PRKCB: variants seen among roughly 807,000 people sequenced by gnomAD.
PRKCB encodes protein kinase C beta, also known as protein kinase C beta type.
Under a neutral mutation model 81.5 loss-of-function variants are expected in PRKCB, and 13 were observed. The observed-to-expected ratio is 0.16, with a 90% CI of 0.10 to 0.25. The LOEUF (loss-of-function observed/expected upper bound fraction) is 0.25. PRKCB is among the 10% of genes least tolerant of loss of function. The pLI is 1.00. For missense variants in PRKCB, 509 were observed against 875.7 expected, an observed-to-expected ratio of 0.58 and a Z score of 5.29; for synonymous variants, 335 against 321.4, an observed-to-expected ratio of 1.04 and a Z score of -0.45.
intron 6 of PRKCB, 35 bp downstream of exon 6, chr16:24,092,982 G>A (rs1489281217): frequency 1.3e-6 from 2 of 1,598,972 alleles, no homozygotes; most frequent in African/African-American, 1.3e-5. Context: ...CATGGGTGGT[G>A]GAGGTTGGGT....
chr16:24,216,622 CAA>C lies in PRKCB; in HGVS notation c.*1808_*1809del. 2.0e-6 allele frequency: 2 copies of C among 985,434 alleles called. No individual in the cohort carries two copies. Among genetic ancestry groups the C allele is most frequent in the South Asian group, 9.4e-5 (2 of 21,282 alleles). The allele number at this position is 985,434 out of a possible 1,614,324, so 61.0% of individuals were successfully genotyped here. ...AATGGGGTTTGGATTTCTGCTTAGG[CAA>C]AGTCTCCTGCAGTTCATCCTTCTCT... On this transcript the variant is annotated 3_prime_UTR_variant, in exon 17 of 17. Transcript: ENST00000643927.
chr16:23,922,541 G>GT (rs1376700062), intron 2 of PRKCB, among the ~76,000 whole-genome samples: 5 of 152,300 alleles, frequency 3.3e-5, no homozygotes, highest in African/African-American at 9.6e-5. Context: ...GAGCTACCTA[G>GT]TTTTTTTGTG....
intron 2 of PRKCB, among the ~76,000 whole-genome samples, chr16:23,962,523 A>T (rs1964440030): frequency 6.6e-6 from 1 of 152,234 alleles, no homozygotes; most frequent in South Asian, 2.1e-4. Flanking sequence ...CTGGTCACCC[A>T]TCTCTGCCAA....
intron 3 of PRKCB, among the ~76,000 whole-genome samples, chr16:23,995,558 T>C (rs114744647): frequency 0.022 from 3,301 of 152,292 alleles, 36 homozygotes; most frequent in Non-Finnish European, 0.024. Flanking sequence ...GATTTGACCA[T>C]GGGCCACTAA....
intron 4 of PRKCB, among the ~76,000 whole-genome samples, chr16:24,033,758 A>G (rs1965578683): frequency 6.6e-6 from 1 of 152,056 alleles, no homozygotes; most frequent in African/African-American, 2.4e-5. Context: ...TGAGACTCTC[A>G]AAGAAGAAGA....
intron 8 of PRKCB, among the ~76,000 whole-genome samples, chr16:24,115,827 G>A (rs920444388): frequency 1.3e-5 from 2 of 152,046 alleles, no homozygotes; most frequent in Admixed American, 6.6e-5. Context: ...CTGGGTTCAC[G>A]CCATTCTCCT....
chr16:23,971,236 C>T (rs150878895), intron 2 of PRKCB, among the ~76,000 whole-genome samples: 84 of 152,304 alleles, frequency 5.5e-4, no homozygotes, highest in African/African-American at 2.0e-3. Flanking sequence ...CCATTGTCAA[C>T]AGAAAAATTC....
At chr16:24,168,576 A>T in intron 10 of PRKCB, among the ~76,000 whole-genome samples, 1 of 58,584 alleles carries the variant, frequency 1.7e-5, no homozygotes, top group African/African-American at 5.4e-5. Context: ...TTTTTGAGAC[A>T]GTTTCACTCT....
chr16:24,166,977 G>A (rs983931102), intron 10 of PRKCB, among the ~76,000 whole-genome samples: 12 of 152,010 alleles, frequency 7.9e-5, no homozygotes, highest in Non-Finnish European at 1.8e-4. Context: ...GGGGCAAGCC[G>A]AGTTCTTCCA....
chr16:24,163,931 C>T (rs917004112), intron 10 of PRKCB, among the ~76,000 whole-genome samples: 2 of 152,216 alleles, frequency 1.3e-5, no homozygotes, highest in Non-Finnish European at 2.9e-5. Flanking sequence ...GGGCTCTTAA[C>T]CACAGCACTA....
chr16:24,183,691 G>C (rs1967661402), intron 13 of PRKCB, among the ~76,000 whole-genome samples: 1 of 152,172 alleles, frequency 6.6e-6, no homozygotes, highest in Non-Finnish European at 1.5e-5. Context: ...ATAACTTCAT[G>C]ATATAGAGAT....
At chr16:23,975,552 G>A (rs776704362) in intron 2 of PRKCB, among the ~76,000 whole-genome samples, 1 of 152,132 alleles carries the variant, frequency 6.6e-6, no homozygotes, top group Non-Finnish European at 1.5e-5. Context: ...CATAGTTCCT[G>A]GCTGACTCTC....
In PRKCB at chr16:24,217,879, C is replaced by T. The variant is rs898931874; in HGVS notation, c.*3063C>T. ...GGGCCCTAACACAGTTCAGTTCATACAGGGGTTCAAAAGGGACAGTGGCCC... is the reference window on the plus strand; with the variant it reads ...GGGCCCTAACACAGTTCAGTTCATATAGGGGTTCAAAAGGGACAGTGGCCC... On this transcript the variant is annotated 3_prime_UTR_variant, in exon 17 of 17. Transcript: ENST00000643927. The T allele has an allele frequency of 3.0e-6, 3 of 985,280 alleles. No individual in the cohort carries two copies. Among genetic ancestry groups the T allele is most frequent in the Non-Finnish European group, 3.6e-6 (3 of 829,944 alleles). The allele number at this position is 985,280 out of a possible 1,614,324, so 61.0% of individuals were successfully genotyped here. A position where few individuals can be genotyped will look rare whatever the true frequency, so the allele number is the denominator to read the frequency against.
At chr16:24,060,140 T>C (rs1965954464) in intron 5 of PRKCB, among the ~76,000 whole-genome samples, 1 of 152,174 alleles carries the variant, frequency 6.6e-6, no homozygotes, top group Non-Finnish European at 1.5e-5. Context: ...GCAGAAGCGG[T>C]CCTAGGCTTT....
intron 3 of PRKCB, among the ~76,000 whole-genome samples, chr16:24,023,550 A>G (rs573562606): frequency 3.7e-4 from 57 of 152,100 alleles, no homozygotes; most frequent in Admixed American, 1.2e-3. Flanking sequence ...TTGTATTTTT[A>G]GTAGAGACGG....
chr16:23,844,228 A>G (rs941270848), intron 2 of PRKCB, among the ~76,000 whole-genome samples: 1 of 152,162 alleles, frequency 6.6e-6, no homozygotes, highest in African/African-American at 2.4e-5. Context: ...GAATTCTTTG[A>G]CTTCATTCAT....
chr16:23,902,713 T>C (rs1373191834), intron 2 of PRKCB, among the ~76,000 whole-genome samples: 1 of 93,520 alleles, frequency 1.1e-5, no homozygotes, highest in Admixed American at 1.1e-4. Flanking sequence ...CTCAAAAGTT[T>C]TTCCCTCCCT....
intron 10 of PRKCB, among the ~76,000 whole-genome samples, chr16:24,158,541 A>ATATGTATAAGTATATGTATAT (rs1567395933): frequency 2.3e-3 from 240 of 105,678 alleles, no homozygotes; most frequent in East Asian, 9.7e-3. Context: ...TATATGTATA[A>ATATGTATAAGTATATGTATAT]GTATATGTAT....
At chr16:23,961,799 T>C (rs1489176126) in intron 2 of PRKCB, among the ~76,000 whole-genome samples, 1 of 152,304 alleles carries the variant, frequency 6.6e-6, no homozygotes, top group South Asian at 2.1e-4. Flanking sequence ...AATGAGCCTT[T>C]CCTTGGAGCA....
Sources: allele counts gnomAD v4.1 joint callset (sites outside exome capture counted in the v4.1 genomes callset), GRCh38; gene constraint gnomAD v4.1.1; transcripts MANE v1.5; gene names NCBI Gene and HGNC (gene_info 2026-07-23, HGNC 2026-07-21).